IMPG2: variants seen among roughly 807,000 people sequenced by gnomAD.
IMPG2 encodes the protein interphotoreceptor matrix proteoglycan 2.
IMPG2 carries 91 observed loss-of-function variants against 129.2 expected under a neutral mutation model. That is an observed-to-expected ratio of 0.70 (90% CI 0.59 to 0.84). The LOEUF (loss-of-function observed/expected upper bound fraction) is 0.84. Among genes scored for constraint, IMPG2 ranks in the 40% least tolerant of loss-of-function variants. The pLI is 0.00. For missense variants in IMPG2, 1,430 were observed against 1,461.7 expected (o/e 0.98, Z 0.35); for synonymous variants, 510 against 517.7 (o/e 0.99, Z 0.20).
intron 2 of IMPG2, among the ~76,000 whole-genome samples, chr3:101,307,578 A>G (rs1209782529): frequency 1.3e-5 from 2 of 152,212 alleles, no homozygotes; most frequent in Non-Finnish European, 2.9e-5. Flanking sequence ...AGATCATGTG[A>G]GAACTTGCTC....
chr3:101,255,130 G>C (rs575261893), intron 10 of IMPG2, among the ~76,000 whole-genome samples: 110 of 152,146 alleles, frequency 7.2e-4, no homozygotes, highest in African/African-American at 2.4e-3. Context: ...CCAAGCCTCA[G>C]GTTATTTATA....
At chr3:101,299,128 A>G (rs1485876044) in intron 3 of IMPG2, among the ~76,000 whole-genome samples, 2 of 151,916 alleles carry the variant, frequency 1.3e-5, no homozygotes, top group Non-Finnish European at 2.9e-5. Context: ...TCTTGCCTGC[A>G]TGCCTTATTT....
chr3:101,252,257 A>AT (rs1392323018), intron 11 of IMPG2, among the ~76,000 whole-genome samples: 2 of 152,116 alleles, frequency 1.3e-5, no homozygotes, highest in Non-Finnish European at 2.9e-5. Context: ...ATATTGACTT[A>AT]TTTTTTAAAA....
At chr3:101,275,632 AAACT>A (rs773654619) in intron 6 of IMPG2, 27 bp downstream of exon 6, 5 of 1,458,518 alleles carry the variant, frequency 3.4e-6, no homozygotes, top group Admixed American at 1.7e-5. Context: ...TCCATGTTAG[AAACT>A]AACTAACAAA....
chr3:101,303,817 C>T (rs560228808), intron 3 of IMPG2, among the ~76,000 whole-genome samples: 12 of 152,282 alleles, frequency 7.9e-5, no homozygotes, highest in East Asian at 3.9e-4. Flanking sequence ...TTGACTCTCA[C>T]GGATTTATAT....
At chr3:101,265,985 C>T (rs1429946084) in intron 9 of IMPG2, among the ~76,000 whole-genome samples, 1 of 152,010 alleles carries the variant, frequency 6.6e-6, no homozygotes. Context: ...ATATGCAAAT[C>T]AAAACCAAAA....
chr3:101,244,763 T>G lies in IMPG2; in HGVS notation c.1568A>C (p.Glu523Ala). ...CAATGAATCAATAGAAAGAAAATCT[T>G]CTGACTCTTCAACATTGGCTAATCC... ...EDGLANVEES[E>A]DFLSIDSLPS... Residue 523 changes from glutamate to alanine, a missense_variant, in exon 13 of 19, where the codon GAA (glutamate) becomes GCA (alanine). Physicochemically the swap from Glu to Ala is moderately radical, Grantham distance 107. Coordinates refer to ENST00000193391, the MANE Select transcript of IMPG2 (RefSeq NM_016247.4). 6.2e-7 allele frequency: 1 copy of G among 1,614,014 alleles called. No individual in the cohort carries two copies. Among genetic ancestry groups the G allele is most frequent in the South Asian group, 1.1e-5 (1 of 91,086 alleles).
intron 17 of IMPG2, 80 bp downstream of exon 17, chr3:101,229,300 A>T: frequency 3.5e-6 from 3 of 859,112 alleles, no homozygotes; most frequent in East Asian, 2.9e-5. Context: ...ACTCATACAC[A>T]CCCCCACCCA....
intron 14 of IMPG2, among the ~76,000 whole-genome samples, chr3:101,235,061 T>C (rs1706331369): frequency 1.3e-5 from 2 of 152,222 alleles, no homozygotes; most frequent in Admixed American, 1.3e-4. Context: ...CTGAAGGTAA[T>C]TTTATACAAC....
chr3:101,234,878 T>C (rs1011116666), intron 14 of IMPG2, among the ~76,000 whole-genome samples: 4 of 152,196 alleles, frequency 2.6e-5, no homozygotes, highest in Admixed American at 2.0e-4. Context: ...GGCCTTTAAC[T>C]AAAAATATAA....
chr3:101,272,769 A>G (rs1178291356), intron 7 of IMPG2, among the ~76,000 whole-genome samples: 2 of 152,196 alleles, frequency 1.3e-5, no homozygotes, highest in East Asian at 3.9e-4. Flanking sequence ...TTTATTTCTC[A>G]TCTGGACACA....
chr3:101,242,664 C>T, intron 14 of IMPG2, 24 bp downstream of exon 14: 4 of 1,524,716 alleles, frequency 2.6e-6, no homozygotes, highest in African/African-American at 1.4e-5. Flanking sequence ...TACTAAGAAA[C>T]CACCATGCTA....
intron 3 of IMPG2, among the ~76,000 whole-genome samples, chr3:101,300,307 C>T (rs768725425): frequency 6.6e-6 from 1 of 152,254 alleles, no homozygotes; most frequent in African/African-American, 2.4e-5. Flanking sequence ...ACCCTTCCCC[C>T]ACCCTGGGAG....
chr3:101,246,000 G>A lies in IMPG2; in HGVS notation c.1345C>T (p.Leu449Phe). 1 of 1,614,140 alleles carries A rather than the reference G, an allele frequency of 6.2e-7. No individual in the cohort carries two copies. The highest frequency in any genetic ancestry group is 8.5e-7 in the Non-Finnish European group (1 of 1,180,008). ...TCACCCAAAGGACTTTCTGACCAGAGTTCCCTGCCAGTGGCTGAGGGAGGA... is the reference window on the plus strand; with the variant it reads ...TCACCCAAAGGACTTTCTGACCAGAATTCCCTGCCAGTGGCTGAGGGAGGA... ...SGPPSATGRE[L>F]WSESPLGDLV... Residue 449 changes from leucine (L) to phenylalanine (F), a missense_variant, in exon 12 of 19, where the codon CTC becomes TTC. Transcript: ENST00000193391.
intron 11 of IMPG2, among the ~76,000 whole-genome samples, chr3:101,251,800 A>G (rs773428216): frequency 6.6e-6 from 1 of 152,140 alleles, no homozygotes; most frequent in Non-Finnish European, 1.5e-5. Context: ...TGTATATAAA[A>G]TAATTTTTAA....
rs1455501771 is a variant in IMPG2 at position 101,257,766 on chromosome 3, C to G, written c.916G>C (p.Asp306His). The change falls in exon 10 of 19, where the codon GAT (aspartate) becomes CAT (histidine). Residue 306 changes from aspartate to histidine, a missense_variant. Physicochemically the swap from Asp to His is moderately conservative, Grantham distance 81. Transcript: ENST00000193391. ...TTGAAGGTAACTGCATAGTAAACAT[C>G]TACGCCACTATGGATGGAAAGAGAG... is the stretch of plus-strand genomic sequence containing the variant. ...RSPKENDSGV[D>H]VYYAVTFNGE... The G allele has an allele frequency of 1.2e-6, 2 of 1,612,852 alleles. No individual in the cohort carries two copies. Among genetic ancestry groups the G allele is most frequent in the East Asian group, 2.2e-5 (1 of 44,868 alleles).
chr3:101,284,220 A>G lies in IMPG2; in HGVS notation c.533+7259T>C, dbSNP rs62282876. Reference sequence around the variant, plus strand: ...GGGGGCATGGGAGAACCAGGAGTTCAGTTGTGGATGTGTTGAGTTTGAAAT... The same window carrying G: ...GGGGGCATGGGAGAACCAGGAGTTCGGTTGTGGATGTGTTGAGTTTGAAAT... On this transcript the variant is annotated intron_variant, in intron 4 of 18. Coordinates refer to ENST00000193391, the MANE Select transcript of IMPG2 (RefSeq NM_016247.4). Among the ~76,000 whole-genome samples, 965 of 152,342 alleles carry G rather than the reference A, an allele frequency of 6.3e-3. 10 individuals carry two copies. The highest frequency in any genetic ancestry group is 0.01 in the Middle Eastern group (3 of 294).
chr3:101,256,164 A>AGAAAGAAG (rs1706601307), intron 10 of IMPG2, among the ~76,000 whole-genome samples: 4 of 144,880 alleles, frequency 2.8e-5, no homozygotes, highest in African/African-American at 1.0e-4. Flanking sequence ...AAAGAAAGAA[A>AGAAAGAAG]GAAAGAAAGA....
At chr3:101,252,720 T>G (rs1706557423) in intron 11 of IMPG2, among the ~76,000 whole-genome samples, 1 of 152,196 alleles carries the variant, frequency 6.6e-6, no homozygotes, top group Non-Finnish European at 1.5e-5. Context: ...TTTTTAGTAA[T>G]TCTACATTGT....
Sources: allele counts gnomAD v4.1 joint callset (sites outside exome capture counted in the v4.1 genomes callset), GRCh38; gene constraint gnomAD v4.1.1; transcripts MANE v1.5; gene names NCBI Gene and HGNC (gene_info 2026-07-23, HGNC 2026-07-21).